Variants in SNAPC3 observed in about 807,000 individuals in gnomAD.
SNAPC3 encodes small nuclear RNA activating complex polypeptide 3.
A neutral mutation model predicts 47.7 loss-of-function variants in SNAPC3; 56 were observed. The observed-to-expected ratio is 1.18, with a 90% CI of 0.95 to 1.47. The LOEUF is 1.47. SNAPC3 is among the 40% of genes most tolerant of loss of function. The pLI is 0.00. For missense variants in SNAPC3, 665 were observed against 511.3 expected (o/e 1.30, Z -2.90); for synonymous variants, 235 against 189.9 (o/e 1.24, Z -1.95).
intron 3 of SNAPC3, among the ~76,000 whole-genome samples, chr9:15,435,918 A>G (rs2131812549): frequency 7.2e-6 from 1 of 138,844 alleles, no homozygotes; most frequent in East Asian, 2.1e-4. Context: ...ATCTTAGCTC[A>G]CTGCAACCTC....
intron 4 of SNAPC3, among the ~76,000 whole-genome samples, chr9:15,446,121 T>TTTAA (rs2131884845): frequency 6.6e-6 from 1 of 152,360 alleles, no homozygotes; most frequent in East Asian, 1.9e-4. Flanking sequence ...TGGATCTTAA[T>TTTAA]GCTCATGTCA....
Position 15,459,955 on chromosome 9 carries a change from A to C in SNAPC3, c.*89A>C. ...TTTCTAAGAAACGCCACTGAGGAAC[A>C]GGATCCACTTTGAACAGTCCGCTAA... On this transcript the variant is annotated 3_prime_UTR_variant, in exon 9 of 9. Transcript: ENST00000380821. 1 of 1,236,362 alleles carries C rather than the reference A, an allele frequency of 8.1e-7. No individual in the cohort carries two copies. Among genetic ancestry groups the C allele is most frequent in the South Asian group, 1.5e-5 (1 of 65,902 alleles). The allele number at this position is 1,236,362 out of a possible 1,614,324, so 76.6% of individuals were successfully genotyped here.
intron 2 of SNAPC3, among the ~76,000 whole-genome samples, chr9:15,426,339 TTTAGG>T: frequency 6.6e-6 from 1 of 152,322 alleles, no homozygotes; most frequent in Admixed American, 6.5e-5. Flanking sequence ...ACGGACTCCA[TTTAGG>T]TCATCTTGTA....
intron 3 of SNAPC3, among the ~76,000 whole-genome samples, chr9:15,434,506 C>G (rs542244071): frequency 6.6e-6 from 1 of 151,122 alleles, no homozygotes; most frequent in South Asian, 2.1e-4. Flanking sequence ...CTCCTGGGTT[C>G]AAGCGATTCT....
At chr9:15,449,543 A>T (rs1224552041) in intron 5 of SNAPC3, among the ~76,000 whole-genome samples, 2 of 35,060 alleles carry the variant, frequency 5.7e-5, no homozygotes, top group African/African-American at 2.3e-4. Context: ...TATTATATAT[A>T]TATATATATA....
intron 7 of SNAPC3, among the ~76,000 whole-genome samples, chr9:15,454,708 C>T (rs895716802): frequency 2.0e-5 from 3 of 151,958 alleles, no homozygotes; most frequent in Non-Finnish European, 4.4e-5. Flanking sequence ...GAGGCCAAGG[C>T]GGGCAGATCA....
intron 2 of SNAPC3, among the ~76,000 whole-genome samples, chr9:15,428,401 T>C (rs937672827): frequency 1.3e-5 from 2 of 150,236 alleles, no homozygotes; most frequent in Non-Finnish European, 3.0e-5. Flanking sequence ...CCCAGCTACT[T>C]GGGAGGCTGA....
At chr9:15,451,423 C>T (rs2034377591) in intron 6 of SNAPC3, 21 bp downstream of exon 6, 1 of 1,193,838 alleles carries the variant, frequency 8.4e-7, no homozygotes, top group South Asian at 1.5e-5. Flanking sequence ...CAAAAATCTT[C>T]TCAAAGTCTT....
chr9:15,435,456 C>G (rs1454068813), intron 3 of SNAPC3, among the ~76,000 whole-genome samples: 1 of 152,114 alleles, frequency 6.6e-6, no homozygotes, highest in Non-Finnish European at 1.5e-5. Flanking sequence ...CCCTGTAATC[C>G]CAGCTACTCG....
At chr9:15,459,053 C>A (rs1396499363) in intron 8 of SNAPC3, among the ~76,000 whole-genome samples, 1 of 152,122 alleles carries the variant, frequency 6.6e-6, no homozygotes, top group Non-Finnish European at 1.5e-5. Flanking sequence ...GTTTTCGCCA[C>A]CCCACCACAA....
intron 1 of SNAPC3, 100 bp from the exon 2 acceptor site, chr9:15,423,809 G>C: frequency 1.7e-6 from 1 of 589,068 alleles, no homozygotes; most frequent in Non-Finnish European, 2.9e-6. Context: ...GATTTTATCT[G>C]ACTTCGTAAT....
chr9:15,443,578 G>T lies in SNAPC3; in HGVS notation c.478-1024G>T, dbSNP rs1386061305. On this transcript the variant is annotated intron_variant, in intron 3 of 8. Coordinates refer to ENST00000380821, the MANE Select transcript of SNAPC3 (RefSeq NM_001039697.2). ...TGACAAAGATTTCCTTAAATACCTG[G>T]CTCCAAAAAGAAAAAAAGCATCTTG... Among the ~76,000 whole-genome samples, 3 of 151,974 alleles carry T rather than the reference G, an allele frequency of 2.0e-5. No homozygotes were observed. In the East Asian group the frequency reaches 5.8e-4, roughly 29 times the overall value.
At chr9:15,430,332 C>T (rs1175020494) in intron 2 of SNAPC3, among the ~76,000 whole-genome samples, 1 of 152,008 alleles carries the variant, frequency 6.6e-6, no homozygotes, top group Non-Finnish European at 1.5e-5. Context: ...CTCAGGAAGC[C>T]AGGGTGGAAG....
intron 5 of SNAPC3, among the ~76,000 whole-genome samples, chr9:15,449,012 G>A (rs1019815429): frequency 1.3e-5 from 2 of 152,050 alleles, no homozygotes; most frequent in African/African-American, 2.4e-5. Flanking sequence ...GTTTCACCAT[G>A]TTGGCCAAGC....
intron 8 of SNAPC3, among the ~76,000 whole-genome samples, chr9:15,458,609 A>C (rs995224037): frequency 2.6e-5 from 4 of 152,194 alleles, no homozygotes; most frequent in African/African-American, 4.8e-5. Flanking sequence ...TAAAATTTTT[A>C]CTTTATGTGA....
At chr9:15,431,156 C>T (rs7847771) in intron 2 of SNAPC3, among the ~76,000 whole-genome samples, 4,077 of 152,202 alleles carry the variant, frequency 0.027, 170 homozygotes, top group African/African-American at 0.093. Context: ...TGAAGCACCC[C>T]GCGCCCAGCA....
At chr9:15,454,998 A>G (rs1424578543) in intron 7 of SNAPC3, among the ~76,000 whole-genome samples, 1 of 152,218 alleles carries the variant, frequency 6.6e-6, no homozygotes, top group African/African-American at 2.4e-5. Flanking sequence ...ATTAATAGCT[A>G]CAAAACAAAA....
At position 15,460,743 on chromosome 9, in the gene SNAPC3, T is replaced by C. The variant is rs1587430114; in HGVS notation, c.*877T>C. 6.6e-6 allele frequency: 1 copy of C among 152,206 alleles called. No individual in the cohort carries two copies. The highest frequency in any genetic ancestry group is 2.4e-5 in the African/African-American group (1 of 41,456). 9.4% of individuals were successfully genotyped at this position (152,206 alleles called of 1,614,324 possible). A position where few individuals can be genotyped will look rare whatever the true frequency, so the allele number is the denominator to read the frequency against. Reference sequence around the variant, plus strand: ...CTGTTTAGTAATGTTAGGTTTTGTTTTGGAGGAAACTAGGCATACAAGACA... The same window carrying C: ...CTGTTTAGTAATGTTAGGTTTTGTTCTGGAGGAAACTAGGCATACAAGACA... On this transcript the variant is annotated 3_prime_UTR_variant, in exon 9 of 9. Coordinates refer to ENST00000380821, the MANE Select transcript of SNAPC3 (RefSeq NM_001039697.2).
intron 7 of SNAPC3, among the ~76,000 whole-genome samples, chr9:15,454,545 G>A (rs2034628332): frequency 6.6e-6 from 1 of 152,196 alleles, no homozygotes; most frequent in Non-Finnish European, 1.5e-5. Flanking sequence ...ACAGAACTCA[G>A]GAAGGATGTC....
Sources: allele counts gnomAD v4.1 joint callset (sites outside exome capture counted in the v4.1 genomes callset), GRCh38; gene constraint gnomAD v4.1.1; transcripts MANE v1.5; gene names NCBI Gene and HGNC (gene_info 2026-07-23, HGNC 2026-07-21).